Variants in SLC24A4 observed in about 807,000 individuals in gnomAD.
SLC24A4 encodes the protein solute carrier family 24 member 4.
SLC24A4 carries 53 observed loss-of-function variants against 79.0 expected under a neutral mutation model. That is an observed-to-expected ratio of 0.67 (90% CI 0.54 to 0.84). SLC24A4 has a LOEUF of 0.84. Ranked by LOEUF, SLC24A4 falls within the 40% of genes least tolerant of loss-of-function variation. The pLI is 0.00. For missense variants in SLC24A4, 731 were observed against 822.0 expected (o/e 0.89, Z 1.35); for synonymous variants, 323 against 323.8 (o/e 1.00, Z 0.03).
At position 92,415,779 on chromosome 14, in the gene SLC24A4, T is replaced by A. The variant is rs150328751; in HGVS notation, c.242-18133T>A. 7.4e-3 allele frequency among the ~76,000 whole-genome samples: 1,124 copies of A among 152,166 alleles called. 12 individuals are homozygous for A. Among genetic ancestry groups the A allele is most frequent in the African/African-American group, 0.025 (1,038 of 41,508 alleles). ...GGCCTCTATGTTTTTATTTTTTTTT[T>A]AATTTCCATAGGGTTTTGGGGAACA... On this transcript the variant is annotated intron_variant, in intron 2 of 16. Coordinates refer to ENST00000532405, the MANE Select transcript of SLC24A4 (RefSeq NM_153646.4).
chr14:92,358,480 G>A (rs1259565267), intron 2 of SLC24A4, among the ~76,000 whole-genome samples: 1 of 151,924 alleles, frequency 6.6e-6, no homozygotes, highest in Non-Finnish European at 1.5e-5. Flanking sequence ...CGCTCACTCC[G>A]CTTGTCCGTA....
chr14:92,476,049 C>T (rs1005885272), intron 12 of SLC24A4, among the ~76,000 whole-genome samples: 3 of 152,092 alleles, frequency 2.0e-5, no homozygotes, highest in African/African-American at 4.8e-5. Context: ...CCATAGCAGG[C>T]AAGAAAAAGG....
chr14:92,407,644 G>C (rs1185863751), intron 2 of SLC24A4, among the ~76,000 whole-genome samples: 12 of 152,198 alleles, frequency 7.9e-5, no homozygotes, highest in Non-Finnish European at 1.6e-4. Context: ...AGGAGAGAGA[G>C]AGAGAGAGAA....
At chr14:92,342,311 TGG>T (rs66586546) in intron 2 of SLC24A4, among the ~76,000 whole-genome samples, 3,132 of 145,844 alleles carry the variant, frequency 0.021, 97 homozygotes, top group African/African-American at 0.071. Flanking sequence ...GGTGGGGCTG[TGG>T]GGGGGGGGTC....
chr14:92,390,691 C>T (rs1416638125), intron 2 of SLC24A4, among the ~76,000 whole-genome samples: 1 of 152,200 alleles, frequency 6.6e-6, no homozygotes, highest in East Asian at 1.9e-4. Flanking sequence ...ATTGAACTTA[C>T]TTGTCACCAA....
rs1555360273 is a variant in SLC24A4, at chr14:92,343,615, T to TCTTC, written c.241+17640_241+17641insCCTT. Among the ~76,000 whole-genome samples the TCTTC allele has an allele frequency of 9.5e-4, 140 of 147,452 alleles. 1 individual carries two copies. Among genetic ancestry groups the TCTTC allele is most frequent in the Middle Eastern group, 6.8e-3 (2 of 294 alleles). On this transcript the variant is annotated intron_variant, in intron 2 of 16. Coordinates refer to ENST00000532405, the MANE Select transcript of SLC24A4 (RefSeq NM_153646.4). The stretch of plus-strand genomic sequence containing the variant: ...TTCTTTCTTTCTTTCTTTCTTTCTT[T>TCTTC]CTTTCTTTCTTTCTTTCTTTCTTTC...
At chr14:92,345,546 C>T (rs1290928215) in intron 2 of SLC24A4, among the ~76,000 whole-genome samples, 1 of 151,994 alleles carries the variant, frequency 6.6e-6, no homozygotes, top group Non-Finnish European at 1.5e-5. Context: ...ACTAAAAATA[C>T]AAAAAATTAG....
chr14:92,387,356 T>A (rs966013190), intron 2 of SLC24A4, among the ~76,000 whole-genome samples: 2 of 151,914 alleles, frequency 1.3e-5, no homozygotes, highest in African/African-American at 2.4e-5. Context: ...TTAGTATTTT[T>A]AGTAGAGACG....
intron 12 of SLC24A4, among the ~76,000 whole-genome samples, chr14:92,481,107 A>G (rs945042829): frequency 2.0e-5 from 3 of 152,194 alleles, no homozygotes; most frequent in African/African-American, 7.2e-5. Context: ...TCACAACTCT[A>G]TAGTAGCCTT....
intron 12 of SLC24A4, among the ~76,000 whole-genome samples, chr14:92,465,511 C>A (rs1023394592): frequency 6.6e-6 from 1 of 152,200 alleles, no homozygotes; most frequent in African/African-American, 2.4e-5. Flanking sequence ...GTGGGAGTGT[C>A]TGCAGTGCTG....
At chr14:92,343,653 T>TTCC (rs58733128) in intron 2 of SLC24A4, among the ~76,000 whole-genome samples, 104 of 34,222 alleles carry the variant, frequency 3.0e-3, no homozygotes, top group Non-Finnish European at 4.9e-3. Flanking sequence ...TCTTTCCTTC[T>TTCC]TTCCTTCCTT....
chr14:92,436,298 A>G (rs1892164075), intron 3 of SLC24A4, among the ~76,000 whole-genome samples: 1 of 152,206 alleles, frequency 6.6e-6, no homozygotes, highest in Non-Finnish European at 1.5e-5. Flanking sequence ...TATACCGCCA[A>G]TGGTTTTTAT....
chr14:92,379,093 G>C (rs974875491), intron 2 of SLC24A4, among the ~76,000 whole-genome samples: 2 of 152,166 alleles, frequency 1.3e-5, no homozygotes, highest in Non-Finnish European at 2.9e-5. Flanking sequence ...TAGCTAGCTA[G>C]ATAGATAGCA....
At chr14:92,438,883 T>G (rs1433084083) in intron 3 of SLC24A4, among the ~76,000 whole-genome samples, 1 of 152,026 alleles carries the variant, frequency 6.6e-6, no homozygotes, top group Non-Finnish European at 1.5e-5. Flanking sequence ...GGGCTTAAAG[T>G]CCCAACCCGC....
intron 12 of SLC24A4, among the ~76,000 whole-genome samples, chr14:92,466,927 G>A (rs1256078636): frequency 3.3e-5 from 5 of 152,328 alleles, no homozygotes; most frequent in South Asian, 2.1e-4. Flanking sequence ...ACTCCCCAAT[G>A]CTCATATGAG....
intron 9 of SLC24A4, among the ~76,000 whole-genome samples, chr14:92,448,285 T>C (rs1041042056): frequency 2.0e-5 from 3 of 150,978 alleles, no homozygotes; most frequent in African/African-American, 7.3e-5. Flanking sequence ...TTTTGTGCCC[T>C]TAAAAAGGGA....
At chr14:92,365,821 G>A (rs945887933) in intron 2 of SLC24A4, among the ~76,000 whole-genome samples, 6 of 152,224 alleles carry the variant, frequency 3.9e-5, no homozygotes, top group African/African-American at 1.4e-4. Context: ...CAGAGAGTGA[G>A]AGAGTAATGT....
At position 92,428,108 on chromosome 14, in the gene SLC24A4, A is replaced by G. The variant is rs781274046; in HGVS notation, c.242-5804A>G. On this transcript the variant is annotated intron_variant, in intron 2 of 16. Transcript: ENST00000532405. ...CCAGTTTATGATATTTTGTTATAGC[A>G]GCCTGAATGAACTGAGACAAGTGGG... 1.7e-4 allele frequency among the ~76,000 whole-genome samples: 26 copies of G among 152,350 alleles called. 1 individual carries two copies. Among genetic ancestry groups the G allele is most frequent in the East Asian group, 3.9e-4 (2 of 5,190 alleles).
chr14:92,399,719 T>C (rs1486041110), intron 2 of SLC24A4, among the ~76,000 whole-genome samples: 1 of 152,232 alleles, frequency 6.6e-6, no homozygotes, highest in Non-Finnish European at 1.5e-5. Flanking sequence ...CAGCGCATTG[T>C]CCCAATGAGA....
Sources: allele counts gnomAD v4.1 joint callset (sites outside exome capture counted in the v4.1 genomes callset), GRCh38; gene constraint gnomAD v4.1.1; transcripts MANE v1.5; gene names NCBI Gene and HGNC (gene_info 2026-07-23, HGNC 2026-07-21).